The following EMILIN2 variants were observed in gnomAD, a reference collection of about 807,000 sequenced individuals.
EMILIN2 encodes the protein elastin microfibril interfacer 2, also known as EMILIN-2.
A neutral mutation model predicts 87.1 loss-of-function variants in EMILIN2; 71 were observed. The observed-to-expected ratio is 0.82, with a 90% confidence interval of 0.67 to 0.99. The LOEUF (loss-of-function observed/expected upper bound fraction) is 0.99. EMILIN2 is among the 50% of genes least tolerant of loss of function. The probability of loss-of-function intolerance (pLI) is 0.00; values close to 1 mark genes in which losing one functional copy is unlikely to be tolerated. For synonymous variants in EMILIN2, 581 were observed against 563.4 expected, an observed-to-expected ratio of 1.03 and a Z score of -0.44; for missense variants, 1,407 against 1,371.8, an observed-to-expected ratio of 1.03 and a Z score of -0.40.
intron 2 of EMILIN2, among the ~76,000 whole-genome samples, chr18:2,875,624 G>T: frequency 6.6e-6 from 1 of 152,252 alleles, no homozygotes; most frequent in East Asian, 1.9e-4. Flanking sequence ...TTAGGGCAGT[G>T]CCTTGAGTTT....
intron 4 of EMILIN2, among the ~76,000 whole-genome samples, chr18:2,893,321 G>A (rs377596135): frequency 1.3e-5 from 2 of 152,160 alleles, no homozygotes; most frequent in East Asian, 1.9e-4. Flanking sequence ...TATCTGTGTC[G>A]TTATCATCTT....
Position 2,913,673 on chromosome 18 carries a change from ACT to A in EMILIN2, c.*272_*273del, listed in dbSNP as rs2076953557. 2.4e-6 allele frequency: 1 copy of A among 413,564 alleles called. No individual in the cohort carries two copies. The highest frequency in any genetic ancestry group is 4.3e-5 in the Admixed American group (1 of 23,416). The allele number at this position is 413,564 out of a possible 1,614,324, so 25.6% of individuals were successfully genotyped here. On this transcript the variant is annotated 3_prime_UTR_variant, in exon 8 of 8. Transcript: ENST00000254528. ...TGGAAAGGCCTCCACCTGTATCTAC[ACT>A]CTGAGGGCCCTGGACTGGGCCTGAG...
At chr18:2,852,823 A>G (rs1403369069) in intron 2 of EMILIN2, among the ~76,000 whole-genome samples, 1 of 152,180 alleles carries the variant, frequency 6.6e-6, no homozygotes, top group East Asian at 1.9e-4. Flanking sequence ...CTGGCCCGCA[A>G]TAATAATTCT....
chr18:2,867,616 A>T (rs1340912300), intron 2 of EMILIN2, among the ~76,000 whole-genome samples: 1 of 152,218 alleles, frequency 6.6e-6, no homozygotes. Context: ...CCCTTAATCC[A>T]TTTAACCCTG....
chr18:2,912,624 CT>C (rs2076946725), intron 7 of EMILIN2, among the ~76,000 whole-genome samples: 1 of 152,214 alleles, frequency 6.6e-6, no homozygotes, highest in Non-Finnish European at 1.5e-5. Context: ...TCAGTGCTCA[CT>C]TCTGGCCATT....
chr18:2,905,971 C>T (rs1007553261), intron 4 of EMILIN2, among the ~76,000 whole-genome samples: 6 of 152,056 alleles, frequency 3.9e-5, no homozygotes, highest in African/African-American at 7.2e-5. Context: ...CGGGAGGCAG[C>T]CGCCGATTTT....
chr18:2,871,611 C>G (rs1317887722), intron 2 of EMILIN2, among the ~76,000 whole-genome samples: 3 of 152,152 alleles, frequency 2.0e-5, no homozygotes, highest in South Asian at 4.1e-4. Flanking sequence ...TGGCACTGAG[C>G]GGGGATCTGT....
rs1308383758 is a variant in EMILIN2 at position 2,892,119 on chromosome 18, T to C, written c.1992T>C (p.Ala664=). The C allele has an allele frequency of 1.2e-6, 2 of 1,612,128 alleles. No individual in the cohort carries two copies. The highest frequency in any genetic ancestry group is 8.5e-7 in the Non-Finnish European group (1 of 1,178,678). ...TGCCGTCCCCCCAGCACCCCGTGGC[T>C]CATTGCTGCAGTCAGCTGGAGGAGA... ...DTLPSPQHPV[A]HCCSQLEERW... is the part of the protein sequence containing the mutation. Residue 664 remains alanine, a synonymous_variant, in exon 4 of 8, where the codon GCT becomes GCC. Coordinates refer to ENST00000254528, the MANE Select transcript of EMILIN2 (RefSeq NM_032048.3).
intron 4 of EMILIN2, among the ~76,000 whole-genome samples, chr18:2,905,858 A>G (rs779831127): frequency 6.6e-6 from 1 of 150,594 alleles, no homozygotes; most frequent in Non-Finnish European, 1.5e-5. Flanking sequence ...TTGGGGGCTC[A>G]AGTGATCCGG....
intron 2 of EMILIN2, among the ~76,000 whole-genome samples, chr18:2,873,908 G>A (rs569514643): frequency 2.6e-5 from 4 of 152,172 alleles, no homozygotes; most frequent in African/African-American, 9.6e-5. Flanking sequence ...TTCTGCGCTA[G>A]CTCTCTGAAC....
rs1384116627 is a variant in EMILIN2 at position 2,894,454 on chromosome 18, G to C, written c.2359+1968G>C. Among the ~76,000 whole-genome samples, 2 of 152,152 alleles carry C rather than the reference G, an allele frequency of 1.3e-5. No individual in the cohort carries two copies. The highest frequency in any genetic ancestry group is 1.3e-4 in the Admixed American group (2 of 15,284). ...CTCTATCTCTGGAATGTTGAGTAGAGGTCACAAGACCATGTATGTGTTCAT... is the reference window on the plus strand; with the variant it reads ...CTCTATCTCTGGAATGTTGAGTAGACGTCACAAGACCATGTATGTGTTCAT... On this transcript the variant is annotated intron_variant, in intron 4 of 7. Transcript: ENST00000254528. The surrounding 1 kb of genome is among the most constrained non-coding windows in gnomAD (Gnocchi z 5.0).
chr18:2,855,046 A>T (rs1203188273), intron 2 of EMILIN2, among the ~76,000 whole-genome samples: 2 of 152,222 alleles, frequency 1.3e-5, no homozygotes. Flanking sequence ...GAGTCAGCTG[A>T]GGAAGACTGA....
intron 2 of EMILIN2, among the ~76,000 whole-genome samples, chr18:2,858,819 T>A (rs1040865741): frequency 6.6e-6 from 1 of 150,488 alleles, no homozygotes. Flanking sequence ...TATTTTTAGT[T>A]GAGACGGGGT....
intron 3 of EMILIN2, among the ~76,000 whole-genome samples, chr18:2,889,692 C>CTTTTTTTTTTTTTTTTTTT (rs34248672): frequency 2.0e-4 from 19 of 96,608 alleles, no homozygotes; most frequent in African/African-American, 3.7e-4. Flanking sequence ...TTTTTCTTTT[C>CTTTTTTTTTTTTTTTTTTT]TTTTTTTTTT....
Position 2,915,632 on chromosome 18 carries a change from C to T in EMILIN2, c.*2228C>T, listed in dbSNP as rs113741570. 31 of 152,544 alleles carry T rather than the reference C, an allele frequency of 2.0e-4. No individual in the cohort carries two copies. The highest frequency in any genetic ancestry group is 4.8e-5 in the African/African-American group (2 of 41,560). The allele number at this position is 152,544 out of a possible 1,614,324, so 9.4% of individuals were successfully genotyped here. On this transcript the variant is annotated 3_prime_UTR_variant, in exon 8 of 8. Coordinates refer to ENST00000254528, the MANE Select transcript of EMILIN2 (RefSeq NM_032048.3). ...CCGCCTCCCGGGTTCAAGCAATTCT[C>T]CTACCTCAGCCTCCCGAGTAGCGGG...
chr18:2,873,931 G>A (rs1308284737), intron 2 of EMILIN2, among the ~76,000 whole-genome samples: 2 of 152,096 alleles, frequency 1.3e-5, no homozygotes, highest in Non-Finnish European at 2.9e-5. Context: ...CTCTGGGTTG[G>A]CCGTGGTATC....
rs1306862751 is a variant in EMILIN2, at chr18:2,847,675, A to T, written c.135-134A>T. On this transcript the variant is annotated intron_variant, in intron 1 of 7. Coordinates refer to ENST00000254528, the MANE Select transcript of EMILIN2 (RefSeq NM_032048.3). The surrounding 1 kb of genome is among the most constrained non-coding windows in gnomAD (Gnocchi z 4.5). ...GGCACCCTCCGGCGTCTGCTCGGTG[A>T]AGCTCCCGCCTCCGCAGAGGGCGAC... The T allele has an allele frequency of 7.2e-7, 1 of 1,383,856 alleles. No homozygotes were observed. The highest frequency in any genetic ancestry group is 2.7e-5 in the Admixed American group (1 of 36,404). 85.7% of individuals were successfully genotyped at this position (1,383,856 alleles called of 1,614,324 possible).
In EMILIN2 at chr18:2,871,558, C is replaced by T. The variant is rs530185087; in HGVS notation, c.258-13406C>T. On this transcript the variant is annotated intron_variant, in intron 2 of 7. Transcript: ENST00000254528. ...GAGGGTGTGAGCATTGGGCCTGGGA[C>T]CGCAGTTCCTCCTGCTCCACAGGTT... Among the ~76,000 whole-genome samples, 5 of 152,306 alleles carry T rather than the reference C, an allele frequency of 3.3e-5. No homozygotes were observed. In the South Asian group the frequency reaches 1.0e-3, roughly 32 times the overall value.
chr18:2,914,935 C>CA lies in EMILIN2; in HGVS notation c.*1532dup, dbSNP rs925823016. 6.6e-6 allele frequency: 1 copy of CA among 152,240 alleles called. No homozygotes were observed. The highest frequency in any genetic ancestry group is 1.5e-5 in the Non-Finnish European group (1 of 68,056). The allele number at this position is 152,240 out of a possible 1,614,324, so 9.4% of individuals were successfully genotyped here. On this transcript the variant is annotated 3_prime_UTR_variant, in exon 8 of 8. Coordinates refer to ENST00000254528, the MANE Select transcript of EMILIN2 (RefSeq NM_032048.3). ...TGGGGAACTGGCTAAAGAGAGCTGT[C>CA]AGAGAGTATCCTTGGCTGTCCTAGG...
Sources: allele counts gnomAD v4.1 joint callset (sites outside exome capture counted in the v4.1 genomes callset), GRCh38; gene constraint gnomAD v4.1.1; non-coding constraint Gnocchi (gnomAD v3.1); transcripts MANE v1.5; gene names NCBI Gene and HGNC (gene_info 2026-07-23, HGNC 2026-07-21).